Variants in FMN2 observed in about 807,000 individuals in gnomAD.
FMN2 encodes formin 2, also known as formin-2.
In FMN2, 51 loss-of-function variants were observed where a neutral mutation model predicts 142.3. The observed-to-expected ratio is 0.36, with a 90% confidence interval of 0.29 to 0.45. FMN2 has a LOEUF of 0.45. Among genes scored for constraint, FMN2 ranks in the 20% least tolerant of loss-of-function variants. The pLI is 1.00. For missense variants in FMN2, 1,936 were observed against 2,122.8 expected (o/e 0.91, Z 1.73); for synonymous variants, 882 against 869.8 (o/e 1.01, Z -0.25).
chr1:240,183,415 A>T (rs991334157), intron 3 of FMN2, among the ~76,000 whole-genome samples: 1 of 147,966 alleles, frequency 6.8e-6, no homozygotes, highest in Non-Finnish European at 1.5e-5. Flanking sequence ...TATATAATAT[A>T]ATATATATAT....
chr1:240,337,203 C>CTTT (rs752506621), intron 13 of FMN2, among the ~76,000 whole-genome samples: 6 of 90,552 alleles, frequency 6.6e-5, no homozygotes, highest in African/African-American at 1.5e-4. Flanking sequence ...TATTCCTTTT[C>CTTT]TTTTTTTTTT....
chr1:240,417,857 A>G (rs1674629208), intron 15 of FMN2, among the ~76,000 whole-genome samples: 1 of 152,140 alleles, frequency 6.6e-6, no homozygotes, highest in Non-Finnish European at 1.5e-5. Flanking sequence ...ATAATTGTGA[A>G]TGTTTGTTTC....
intron 4 of FMN2, among the ~76,000 whole-genome samples, chr1:240,196,870 C>G (rs1171732916): frequency 1.3e-5 from 2 of 152,110 alleles, no homozygotes; most frequent in African/African-American, 4.8e-5. Flanking sequence ...TGTTCCCAAG[C>G]CTAGGTAAAC....
At chr1:240,454,441 C>A (rs1676169944) in intron 16 of FMN2, among the ~76,000 whole-genome samples, 1 of 152,172 alleles carries the variant, frequency 6.6e-6, no homozygotes, top group Non-Finnish European at 1.5e-5. Context: ...ACTCAGGAGG[C>A]TGAGGCATGA....
At chr1:240,331,427 G>A (rs973639932) in intron 11 of FMN2, among the ~76,000 whole-genome samples, 20 of 151,554 alleles carry the variant, frequency 1.3e-4, no homozygotes, top group Non-Finnish European at 2.9e-5. Context: ...AGTCTGAGAC[G>A]GTAAACTTAA....
chr1:240,367,916 A>G (rs1202839651), intron 14 of FMN2, among the ~76,000 whole-genome samples: 1 of 152,116 alleles, frequency 6.6e-6, no homozygotes, highest in Admixed American at 6.6e-5. Context: ...TATGATCTGC[A>G]ATAGGAATCA....
At chr1:240,122,527 C>T (rs1205189169) in intron 1 of FMN2, among the ~76,000 whole-genome samples, 1 of 152,158 alleles carries the variant, frequency 6.6e-6, no homozygotes, top group Non-Finnish European at 1.5e-5. Flanking sequence ...AGGTGATCCA[C>T]CTGCCTCAGC....
chr1:240,456,244 A>G (rs1676242675), intron 16 of FMN2, among the ~76,000 whole-genome samples: 1 of 152,142 alleles, frequency 6.6e-6, no homozygotes, highest in African/African-American at 2.4e-5. Context: ...CTGAAAGCTT[A>G]TTCATATTTT....
intron 8 of FMN2, among the ~76,000 whole-genome samples, chr1:240,314,934 C>T (rs1338467181): frequency 2.6e-5 from 4 of 152,144 alleles, no homozygotes; most frequent in East Asian, 3.9e-4. Flanking sequence ...GTGTTTCCTG[C>T]GCATTCACTC....
intron 2 of FMN2, among the ~76,000 whole-genome samples, chr1:240,163,046 CTTTGT>C (rs928329495): frequency 1.3e-5 from 2 of 152,096 alleles, no homozygotes; most frequent in Admixed American, 1.3e-4. Flanking sequence ...AACATGGAGA[CTTTGT>C]TTTATCTTCT....
chr1:240,471,762 G>A (rs967575674), intron 16 of FMN2: 2 of 152,482 alleles, frequency 1.3e-5, no homozygotes, highest in African/African-American at 4.8e-5. Context: ...AGAGTGCAGA[G>A]GTGCTGATCA....
chr1:240,124,364 C>T (rs1446727633), intron 2 of FMN2, among the ~76,000 whole-genome samples: 7 of 152,234 alleles, frequency 4.6e-5, no homozygotes, highest in South Asian at 4.1e-4. Flanking sequence ...GTGTGAAGTA[C>T]GGACGTGAAG....
chr1:240,092,931 C>T lies in FMN2; in HGVS notation c.822C>T (p.Ser274=). The T allele has an allele frequency of 6.8e-7, 1 of 1,468,158 alleles. No homozygotes were observed. Among genetic ancestry groups the T allele is most frequent in the Non-Finnish European group, 8.9e-7 (1 of 1,117,712 alleles). The allele number at this position is 1,468,158 out of a possible 1,614,324, so 90.9% of individuals were successfully genotyped here. The part of the protein sequence containing the change: ...PGSPDTEQAL[S]ALSDLPESLA... ...GTCCGGACACCGAGCAGGCGCTGTCCGCGCTCTCCGACCTGCCCGAGAGCC... is the reference window on the plus strand; with the variant it reads ...GTCCGGACACCGAGCAGGCGCTGTCTGCGCTCTCCGACCTGCCCGAGAGCC... The change falls in exon 1 of 18, where the codon TCC becomes TCT. Residue 274 remains serine, a synonymous_variant. Coordinates refer to ENST00000319653, the MANE Select transcript of FMN2 (RefSeq NM_020066.5).
At position 240,228,303 on chromosome 1, in the gene FMN2, C is replaced by CAAAAAAA. The variant is rs577421634; in HGVS notation, c.4065+17091_4065+17097dup. Among the ~76,000 whole-genome samples, 272 of 47,690 alleles carry CAAAAAAA rather than the reference C, an allele frequency of 5.7e-3. 2 individuals carry two copies. Among genetic ancestry groups the CAAAAAAA allele is most frequent in the Non-Finnish European group, 7.9e-3 (177 of 22,432 alleles). 31.3% of individuals were successfully genotyped at this position (47,690 alleles called of 152,430 possible). Reference sequence around the variant, plus strand: ...GGGCAACAAGAGTGAAACTCTGTCTCAAAAAAAAAAAAAAAAAAAAAAAAA... The same window carrying CAAAAAAA: ...GGGCAACAAGAGTGAAACTCTGTCTCAAAAAAAAAAAAAAAAAAAAAAAAAAAAAAAA... On this transcript the variant is annotated intron_variant, in intron 6 of 17. Coordinates refer to ENST00000319653, the MANE Select transcript of FMN2 (RefSeq NM_020066.5).
At chr1:240,169,028 T>A (rs542310169) in intron 2 of FMN2, among the ~76,000 whole-genome samples, 1 of 152,256 alleles carries the variant, frequency 6.6e-6, no homozygotes, top group East Asian at 1.9e-4. Flanking sequence ...CTAGCCGATA[T>A]GGTGAAACCC....
chr1:240,140,110 C>G (rs559018527), intron 2 of FMN2, among the ~76,000 whole-genome samples: 3 of 152,276 alleles, frequency 2.0e-5, no homozygotes, highest in African/African-American at 7.2e-5. Flanking sequence ...GGCTTACTCT[C>G]ACTTTCTTTC....
chr1:240,324,350 A>T (rs777564480), intron 8 of FMN2, among the ~76,000 whole-genome samples: 13 of 152,172 alleles, frequency 8.5e-5, no homozygotes, highest in Non-Finnish European at 1.5e-4. Context: ...TAAAAAATAC[A>T]AACTGTGCTA....
At chr1:240,301,744 G>C (rs1362749258) in intron 8 of FMN2, among the ~76,000 whole-genome samples, 1 of 151,646 alleles carries the variant, frequency 6.6e-6, no homozygotes, top group South Asian at 2.1e-4. Context: ...TTGTTACTTT[G>C]TATTAATACA....
chr1:240,285,106 TGAAGA>T, intron 7 of FMN2: 2 of 370,900 alleles, frequency 5.4e-6, no homozygotes, highest in African/African-American at 2.1e-5. Flanking sequence ...GTTTTTTGTT[TGAAGA>T]AACATTTTGT....
Sources: gnomAD v4.1 joint callset for allele counts (sites outside exome capture counted in the v4.1 genomes callset) on GRCh38, gnomAD v4.1.1 for gene constraint, MANE v1.5 for transcripts, NCBI Gene and HGNC (gene_info 2026-07-23, HGNC 2026-07-21) for gene names.